Variants in DACH2 observed in about 807,000 individuals in gnomAD.
DACH2 encodes dachshund homolog 2.
In DACH2, 17 loss-of-function variants were observed where a neutral mutation model predicts 35.8. The ratio of observed to expected loss-of-function variants is 0.48; its 90% CI spans 0.33 to 0.71. The LOEUF (loss-of-function observed/expected upper bound fraction) is 0.71, where lower values mean the gene tolerates loss of function less well. Ranked by LOEUF, DACH2 falls within the 30% of genes least tolerant of loss-of-function variation. The pLI is 0.02. For synonymous variants in DACH2, 195 were observed against 177.3 expected (o/e 1.10, Z -0.79); for missense variants, 469 against 472.7 (o/e 0.99, Z 0.07).
intron 3 of DACH2, among the ~76,000 whole-genome samples, chrX:86,515,678 T>C (rs759162974): frequency 8.9e-6 from 1 of 112,530 alleles, no homozygotes; most frequent in South Asian, 3.6e-4. Flanking sequence ...AGTGAGGAAG[T>C]ACTTACATGC....
In DACH2 at chrX:86,813,138, G is replaced by A; in HGVS notation, c.1398G>A (p.Leu466=). 1 of 1,207,359 alleles carries A rather than the reference G, an allele frequency of 8.3e-7. No individual in the cohort carries two copies. Among genetic ancestry groups the A allele is most frequent in the Middle Eastern group, 2.3e-4 (1 of 4,350 alleles). The change falls in exon 9 of 12, where the codon CTG becomes CTA. Residue 466 remains leucine (L), a synonymous_variant. Transcript: ENST00000373125. ...ETLLTNIQGL[L]KVALDNARIQ... is the part of the protein sequence containing the mutation. ...TTCCTGTACCTTGACAGGGTCTGCT[G>A]AAAGTTGCTTTGGATAATGCTCGCA...
At chrX:86,651,464 C>CG (rs199553835) in intron 4 of DACH2, among the ~76,000 whole-genome samples, 11,593 of 111,046 alleles carry the variant, frequency 0.1, 535 homozygotes, top group South Asian at 0.33. Context: ...CTGGTCCACT[C>CG]AGCATCACCT....
chrX:86,381,703 G>A (rs1015627047), intron 2 of DACH2, among the ~76,000 whole-genome samples: 6 of 110,600 alleles, frequency 5.4e-5, no homozygotes, highest in Admixed American at 3.9e-4. Context: ...TTCATTTATT[G>A]TGCATAAAAC....
chrX:86,254,344 G>GT (rs1287762998), intron 1 of DACH2, among the ~76,000 whole-genome samples: 2 of 110,904 alleles, frequency 1.8e-5, no homozygotes, highest in African/African-American at 6.6e-5. Context: ...CTAAACATGG[G>GT]TTACTGTTTA....
intron 2 of DACH2, among the ~76,000 whole-genome samples, chrX:86,421,133 A>G (rs1259140163): frequency 1.8e-5 from 2 of 111,839 alleles, no homozygotes; most frequent in Non-Finnish European, 3.8e-5. Context: ...TTTTCAGAAT[A>G]AGTAAATTAT....
chrX:86,198,432 C>T (rs1013025128), intron 1 of DACH2, among the ~76,000 whole-genome samples: 2 of 111,308 alleles, frequency 1.8e-5, no homozygotes, highest in African/African-American at 3.3e-5. Context: ...CAGAGCTGAA[C>T]AGAAGGAGAT....
At chrX:86,725,821 C>T (rs758621192) in intron 6 of DACH2, among the ~76,000 whole-genome samples, 10 of 111,175 alleles carry the variant, frequency 9.0e-5, no homozygotes, top group Non-Finnish European at 1.9e-4. Context: ...GGCTAGTTCC[C>T]CTGGCCTGCT....
At chrX:86,203,011 C>T (rs763095482) in intron 1 of DACH2, among the ~76,000 whole-genome samples, 1 of 110,564 alleles carries the variant, frequency 9.0e-6, no homozygotes. Context: ...TTCTAGGCTG[C>T]CATTCCAGTA....
At chrX:86,692,682 T>G (rs1212742921) in intron 4 of DACH2, among the ~76,000 whole-genome samples, 1 of 112,009 alleles carries the variant, frequency 8.9e-6, no homozygotes, top group Non-Finnish European at 1.9e-5. Flanking sequence ...TATGTTATTA[T>G]CATATTGTAT....
At chrX:86,495,429 C>G (rs1210823002) in intron 2 of DACH2, among the ~76,000 whole-genome samples, 1 of 109,061 alleles carries the variant, frequency 9.2e-6, no homozygotes, top group African/African-American at 3.3e-5. Context: ...TTTAGACTCG[C>G]CACATTTCAA....
At chrX:86,799,509 G>A (rs776682095) in intron 7 of DACH2, among the ~76,000 whole-genome samples, 1 of 111,491 alleles carries the variant, frequency 9.0e-6, no homozygotes, top group East Asian at 2.8e-4. Flanking sequence ...ATTCGGACTG[G>A]TTGGACAGTG....
intron 2 of DACH2, among the ~76,000 whole-genome samples, chrX:86,499,748 C>A (rs992502552): frequency 5.4e-5 from 6 of 111,736 alleles, no homozygotes; most frequent in African/African-American, 2.0e-4. Flanking sequence ...ATGGTTTTAT[C>A]TTCAATCACA....
chrX:86,550,076 T>C (rs573553727), intron 3 of DACH2, among the ~76,000 whole-genome samples: 5 of 111,490 alleles, frequency 4.5e-5, no homozygotes, highest in African/African-American at 1.6e-4. Context: ...ACCCTTGGAA[T>C]CTAATGGATG....
chrX:86,508,038 CAGG>C (rs890306315), intron 2 of DACH2, among the ~76,000 whole-genome samples: 2 of 111,177 alleles, frequency 1.8e-5, no homozygotes, highest in Non-Finnish European at 3.8e-5. Flanking sequence ...GCTGACAGAA[CAGG>C]AGAAGGGTGG....
chrX:86,822,197 G>T (rs1045360443), intron 11 of DACH2, among the ~76,000 whole-genome samples: 16 of 111,901 alleles, frequency 1.4e-4, no homozygotes, highest in African/African-American at 4.5e-4. Context: ...AAAACAAACA[G>T]CATTTTCATA....
chrX:86,399,589 C>A (rs1180161069), intron 2 of DACH2, among the ~76,000 whole-genome samples: 1 of 111,686 alleles, frequency 9.0e-6, no homozygotes, highest in Non-Finnish European at 1.9e-5. Flanking sequence ...GTGACAGAAT[C>A]TCTCAGCATT....
intron 2 of DACH2, among the ~76,000 whole-genome samples, chrX:86,412,827 A>G (rs2036636776): frequency 9.0e-6 from 1 of 111,688 alleles, no homozygotes; most frequent in Non-Finnish European, 1.9e-5. Context: ...GTGGCAGAGT[A>G]GCTTCTACAG....
chrX:86,237,548 G>A (rs2033080698), intron 1 of DACH2, among the ~76,000 whole-genome samples: 1 of 111,311 alleles, frequency 9.0e-6, no homozygotes, highest in African/African-American at 3.3e-5. Context: ...CTCTGTGTCT[G>A]GTGGCGCCTC....
chrX:86,617,418 T>G (rs927817327), intron 3 of DACH2, among the ~76,000 whole-genome samples: 1 of 111,597 alleles, frequency 9.0e-6, no homozygotes, highest in Non-Finnish European at 1.9e-5. Context: ...GCACGAGATG[T>G]TTTTCCATTT....
Sources: allele counts gnomAD v4.1 joint callset (sites outside exome capture counted in the v4.1 genomes callset), GRCh38; gene constraint gnomAD v4.1.1; transcripts MANE v1.5; gene names NCBI Gene and HGNC (gene_info 2026-07-23, HGNC 2026-07-21).